COL5A2: variants seen among roughly 807,000 people sequenced by gnomAD.
COL5A2 encodes collagen alpha-2(V) chain.
A neutral mutation model predicts 208.2 loss-of-function variants in COL5A2; 23 were observed. The observed-to-expected ratio is 0.11, with a 90% CI of 0.08 to 0.16. The LOEUF (loss-of-function observed/expected upper bound fraction) is 0.16. COL5A2 is among the 10% of genes least tolerant of loss of function. The pLI is 1.00. For synonymous variants in COL5A2, 625 were observed against 628.5 expected (o/e 0.99, Z 0.08); for missense variants, 1,590 against 1,956.4 (o/e 0.81, Z 3.53).
At chr2:189,191,186 A>G (rs1268996493) in intron 1 of COL5A2, among the ~76,000 whole-genome samples, 1 of 150,962 alleles carries the variant, frequency 6.6e-6, no homozygotes, top group Non-Finnish European at 1.5e-5. Context: ...ACAACAACAA[A>G]AAAAACCACT....
chr2:189,061,655 A>G, intron 29 of COL5A2, 40 bp from the exon 30 acceptor site: 1 of 1,439,314 alleles, frequency 6.9e-7, no homozygotes, highest in South Asian at 1.1e-5. Context: ...ATATAACCAG[A>G]TCTTTGTCTG....
the COL5A2 span, among the ~76,000 whole-genome samples, chr2:189,351,399 T>G: frequency 6.6e-5 from 10 of 152,312 alleles, no homozygotes; most frequent in Non-Finnish European, 1.3e-4. Context: ...AGGAAACCAG[T>G]ATATTTTGTT....
the COL5A2 span, among the ~76,000 whole-genome samples, chr2:189,280,062 A>C: frequency 6.6e-6 from 1 of 152,088 alleles, no homozygotes. Context: ...CTGTCTATGA[A>C]CCAAGAAGGA....
At chr2:189,305,237 G>A in the COL5A2 span, among the ~76,000 whole-genome samples, 5 of 152,312 alleles carry the variant, frequency 3.3e-5, no homozygotes, top group East Asian at 7.7e-4. Flanking sequence ...TAGGAAATGC[G>A]TGGGCCCAAC....
intron 47 of COL5A2, 52 bp downstream of exon 47, chr2:189,045,127 G>T: frequency 8.1e-7 from 1 of 1,240,222 alleles, no homozygotes; most frequent in Non-Finnish European, 1.1e-6. Flanking sequence ...TTCTTTGGGA[G>T]TATATTTTAT....
At chr2:189,273,318 C>T in the COL5A2 span, among the ~76,000 whole-genome samples, 2 of 151,824 alleles carry the variant, frequency 1.3e-5, no homozygotes, top group African/African-American at 4.8e-5. Context: ...CACTTCACAC[C>T]TATTAGAATA....
chr2:189,179,711 G>C lies in COL5A2; in HGVS notation c.-107C>G. 6.5e-7 allele frequency: 1 copy of C among 1,538,812 alleles called. No homozygotes were observed. The highest frequency in any genetic ancestry group is 8.7e-7 in the Non-Finnish European group (1 of 1,145,260). On this transcript the variant is annotated 5_prime_UTR_variant, in exon 1 of 54. Coordinates refer to ENST00000374866, the MANE Select transcript of COL5A2 (RefSeq NM_000393.5). The stretch of plus-strand genomic sequence containing the variant: ...GGCTCTTCTTTCAGCACCAGCCCCA[G>C]GGCAGCCTCTGCAAACCCCCTTTTT...
At chr2:189,081,111 AT>A (rs1168791098) in intron 12 of COL5A2, 68 bp from the exon 13 acceptor site, 3 of 1,314,578 alleles carry the variant, frequency 2.3e-6, no homozygotes, top group African/African-American at 2.9e-5. Flanking sequence ...TTAATATATC[AT>A]TTTTTCCCAA....
chr2:189,434,980 T>C, the COL5A2 span, among the ~76,000 whole-genome samples: 1 of 152,136 alleles, frequency 6.6e-6, no homozygotes, highest in Admixed American at 6.5e-5. Flanking sequence ...AAAACAGAGA[T>C]ATAGACCAAC....
At chr2:189,433,600 T>A in the COL5A2 span, among the ~76,000 whole-genome samples, 2 of 152,316 alleles carry the variant, frequency 1.3e-5, no homozygotes, top group South Asian at 4.1e-4. Context: ...GATAAATTCC[T>A]GGACACATAC....
At chr2:189,115,577 T>A (rs1687372875) in intron 1 of COL5A2, among the ~76,000 whole-genome samples, 1 of 152,142 alleles carries the variant, frequency 6.6e-6, no homozygotes, top group African/African-American at 2.4e-5. Context: ...TAACTAAAGT[T>A]CTTTCAAGCA....
chr2:189,316,699 T>C, the COL5A2 span, among the ~76,000 whole-genome samples: 1 of 151,436 alleles, frequency 6.6e-6, no homozygotes. Context: ...TGACACAAGT[T>C]CACCTGTATA....
At chr2:189,185,091 T>C (rs1688833265) in intron 1 of COL5A2, among the ~76,000 whole-genome samples, 1 of 152,122 alleles carries the variant, frequency 6.6e-6, no homozygotes, top group Non-Finnish European at 1.5e-5. Context: ...TGGCATGATC[T>C]TGGCTCACTG....
At chr2:189,241,802 TA>T in the COL5A2 span, among the ~76,000 whole-genome samples, 66 of 152,216 alleles carry the variant, frequency 4.3e-4, no homozygotes, top group Non-Finnish European at 8.4e-4. Context: ...AGTGATATTT[TA>T]AAGATTATTG....
chr2:189,377,543 GAATA>G, the COL5A2 span, among the ~76,000 whole-genome samples: 1 of 152,170 alleles, frequency 6.6e-6, no homozygotes, highest in Non-Finnish European at 1.5e-5. Context: ...CATTTTGAAT[GAATA>G]AATGTTTGAA....
intron 44 of COL5A2, among the ~76,000 whole-genome samples, chr2:189,049,126 G>C (rs1685729807): frequency 6.6e-6 from 1 of 152,136 alleles, no homozygotes; most frequent in Non-Finnish European, 1.5e-5. Flanking sequence ...CTTAGCTCCA[G>C]ACTAGATGAA....
the COL5A2 span, among the ~76,000 whole-genome samples, chr2:189,247,359 A>T: frequency 8.5e-5 from 13 of 152,174 alleles, no homozygotes; most frequent in Admixed American, 2.6e-4. Context: ...CTTTCTCCCC[A>T]AAAGAAGCCC....
the COL5A2 span, among the ~76,000 whole-genome samples, chr2:189,370,413 C>G: frequency 2.6e-5 from 4 of 152,140 alleles, no homozygotes; most frequent in African/African-American, 4.8e-5. Flanking sequence ...CTCATCATCA[C>G]ATTAATAGTG....
At chr2:189,297,216 G>A in the COL5A2 span, among the ~76,000 whole-genome samples, 1 of 151,712 alleles carries the variant, frequency 6.6e-6, no homozygotes, top group Non-Finnish European at 1.5e-5. Flanking sequence ...TTCAATACAA[G>A]CTACTGCACC....
Sources: gnomAD v4.1 joint callset for allele counts (sites outside exome capture counted in the v4.1 genomes callset) on GRCh38, gnomAD v4.1.1 for gene constraint, MANE v1.5 for transcripts, NCBI Gene and HGNC (gene_info 2026-07-23, HGNC 2026-07-21) for gene names.